The following ELMO1 variants were observed in gnomAD, a reference collection of about 807,000 sequenced individuals.
ELMO1 encodes engulfment and cell motility protein 1.
Under a neutral mutation model 98.9 loss-of-function variants are expected in ELMO1, and 26 were observed. The observed-to-expected ratio is 0.26, with a 90% CI of 0.19 to 0.36. ELMO1 has a LOEUF of 0.36. ELMO1 is among the 10% of genes least tolerant of loss of function. The pLI, the probability that ELMO1 is intolerant of heterozygous loss-of-function variation, is 1.00. For synonymous variants in ELMO1, 346 were observed against 346.0 expected, an observed-to-expected ratio of 1.00 and a Z score of 0.00; for missense variants, 627 against 935.2, an observed-to-expected ratio of 0.67 and a Z score of 4.30.
chr7:36,898,324 T>C (rs1030133068), intron 16 of ELMO1, among the ~76,000 whole-genome samples: 4 of 152,184 alleles, frequency 2.6e-5, no homozygotes, highest in African/African-American at 9.6e-5. Flanking sequence ...AGAAAATCAA[T>C]GGAATTAAAC....
intron 13 of ELMO1, among the ~76,000 whole-genome samples, chr7:37,146,347 C>T (rs1787987814): frequency 6.6e-6 from 1 of 152,176 alleles, no homozygotes; most frequent in African/African-American, 2.4e-5. Flanking sequence ...CTGGACCATA[C>T]TATAAGAACC....
At chr7:37,445,392 C>G (rs1417969990) in intron 1 of ELMO1, among the ~76,000 whole-genome samples, 1 of 152,190 alleles carries the variant, frequency 6.6e-6, no homozygotes, top group East Asian at 1.9e-4. Context: ...AGTTACAAAC[C>G]TTAATTGTAT....
chr7:37,416,413 G>A lies in ELMO1; in HGVS notation c.-74+32262C>T, dbSNP rs150319335. 3.5e-3 allele frequency among the ~76,000 whole-genome samples: 536 copies of A among 152,322 alleles called. 2 individuals carry two copies. The highest frequency in any genetic ancestry group is 0.012 in the African/African-American group (509 of 41,572). ...CACTGAATAATTAAACTGGGAGAAT[G>A]AGAGGTTTCACACCATGACAATGCC... On this transcript the variant is annotated intron_variant, in intron 1 of 21. Coordinates refer to ENST00000310758, the MANE Select transcript of ELMO1 (RefSeq NM_014800.11).
chr7:36,897,654 G>A (rs1180337535), intron 16 of ELMO1, among the ~76,000 whole-genome samples: 2 of 152,148 alleles, frequency 1.3e-5, no homozygotes, highest in Non-Finnish European at 2.9e-5. Context: ...GCTCATGGGT[G>A]CACCTCTGCA....
intron 13 of ELMO1, among the ~76,000 whole-genome samples, chr7:37,204,615 C>T (rs1792499041): frequency 6.6e-6 from 1 of 152,010 alleles, no homozygotes; most frequent in Non-Finnish European, 1.5e-5. Flanking sequence ...AGGTGGCCTG[C>T]TTTTTTTTCC....
intron 5 of ELMO1, among the ~76,000 whole-genome samples, chr7:37,267,033 A>G (rs1249596775): frequency 3.8e-5 from 1 of 26,514 alleles, no homozygotes; most frequent in East Asian, 6.5e-4. Context: ...AAAAATATGT[A>G]TATATACACA....
At chr7:36,930,688 CCTCA>C (rs548099184) in intron 16 of ELMO1, among the ~76,000 whole-genome samples, 56 of 152,310 alleles carry the variant, frequency 3.7e-4, no homozygotes, top group Admixed American at 7.8e-4. Flanking sequence ...TTTAGAAACA[CCTCA>C]CTGATTTTTT....
intron 15 of ELMO1, among the ~76,000 whole-genome samples, chr7:37,077,116 A>T (rs977270238): frequency 1.3e-5 from 2 of 152,236 alleles, no homozygotes; most frequent in African/African-American, 4.8e-5. Context: ...TGTTGGATTA[A>T]AGGACAATCT....
At chr7:36,919,531 G>C in intron 16 of ELMO1, 1 of 394,030 alleles carries the variant, frequency 2.5e-6, no homozygotes, top group Admixed American at 2.7e-5. Context: ...CTGTAAAATG[G>C]GATAATGGCA....
intron 1 of ELMO1, among the ~76,000 whole-genome samples, chr7:37,443,377 T>G (rs924576261): frequency 1.3e-5 from 2 of 152,246 alleles, no homozygotes; most frequent in African/African-American, 4.8e-5. Context: ...AAATCAGTGT[T>G]TGTGGGGGCC....
intron 1 of ELMO1, among the ~76,000 whole-genome samples, chr7:37,374,696 A>G (rs1031890571): frequency 1.3e-5 from 2 of 151,488 alleles, no homozygotes; most frequent in Admixed American, 6.6e-5. Flanking sequence ...GGTTGCAGTG[A>G]GCCAAGATTG....
chr7:36,942,209 C>T (rs980073867), intron 16 of ELMO1, among the ~76,000 whole-genome samples: 2 of 152,146 alleles, frequency 1.3e-5, no homozygotes, highest in African/African-American at 4.8e-5. Context: ...CACAACCTGG[C>T]GGATGTGGAT....
At chr7:36,866,719 C>T (rs1228652470) in intron 20 of ELMO1, among the ~76,000 whole-genome samples, 1 of 152,186 alleles carries the variant, frequency 6.6e-6, no homozygotes, top group Non-Finnish European at 1.5e-5. Context: ...AGCTGTTCCA[C>T]AGCTGGAAAA....
intron 14 of ELMO1, 102 bp downstream of exon 14, chr7:37,133,028 A>G: frequency 2.7e-6 from 2 of 732,834 alleles, no homozygotes; most frequent in Non-Finnish European, 4.0e-6. Context: ...AAGACAGAAA[A>G]TATGGGGTCA....
intron 18 of ELMO1, among the ~76,000 whole-genome samples, chr7:36,879,935 C>T (rs73338206): frequency 0.033 from 4,991 of 152,242 alleles, 285 homozygotes; most frequent in African/African-American, 0.11. Flanking sequence ...ATGAGGAGAG[C>T]AACCTTGGGG....
rs562133312 is a variant in ELMO1, at chr7:37,375,472, T to C, written c.-73-32709A>G. 164 of 690,966 alleles carry C rather than the reference T, an allele frequency of 2.4e-4. No homozygotes were observed. In the African/African-American group the frequency reaches 2.6e-3, roughly 11 times the overall value. 42.8% of individuals were successfully genotyped at this position (690,966 alleles called of 1,614,324 possible). On this transcript the variant is annotated intron_variant, in intron 1 of 21. Transcript: ENST00000310758. ...TCAGCCCGTGAGGTTCGAAGCAAGA[T>C]GGAGTCAGGTATGATTCAAGCCCCG...
intron 6 of ELMO1, among the ~76,000 whole-genome samples, chr7:37,258,852 G>A (rs1410532055): frequency 1.3e-5 from 2 of 152,052 alleles, no homozygotes; most frequent in African/African-American, 4.8e-5. Flanking sequence ...CAACGAATAT[G>A]AGGGACTATT....
chr7:37,430,638 T>C (rs1804892509), intron 1 of ELMO1, among the ~76,000 whole-genome samples: 1 of 152,240 alleles, frequency 6.6e-6, no homozygotes, highest in Non-Finnish European at 1.5e-5. Flanking sequence ...ATTCCATCCC[T>C]TTCAACCCGC....
rs548480659 is a variant in ELMO1, at chr7:37,042,135, A to G, written c.1301-28700T>C. ...CCCGTCTCTACGAAAAAAAAAAAAA[A>G]TACAAAAACCATCCCACCACTGCAC... is the stretch of plus-strand genomic sequence containing the variant. On this transcript the variant is annotated intron_variant, in intron 15 of 21. Transcript: ENST00000310758. 7.3e-5 allele frequency among the ~76,000 whole-genome samples: 11 copies of G among 149,674 alleles called. No homozygotes were observed. In the South Asian group the frequency reaches 2.3e-3, roughly 32 times the overall value.
Sources: gnomAD v4.1 joint callset for allele counts (sites outside exome capture counted in the v4.1 genomes callset) on GRCh38, gnomAD v4.1.1 for gene constraint, MANE v1.5 for transcripts, NCBI Gene and HGNC (gene_info 2026-07-23, HGNC 2026-07-21) for gene names.